Variants in CMKLR1 observed in about 807,000 individuals in gnomAD.
CMKLR1 encodes the protein chemerin-like receptor 1.
Under a neutral mutation model 8.2 loss-of-function variants are expected in CMKLR1, and 6 were observed. That is an observed-to-expected ratio of 0.73 (90% CI 0.40 to 1.44). CMKLR1 has a LOEUF of 1.44. CMKLR1 is among the 40% of genes most tolerant of loss of function. CMKLR1 has a pLI of 0.02. For synonymous variants in CMKLR1, 178 were observed against 181.2 expected (o/e 0.98, Z 0.14); for missense variants, 429 against 478.0 (o/e 0.90, Z 0.96).
intron 2 of CMKLR1, among the ~76,000 whole-genome samples, chr12:108,300,669 G>A (rs578159381): frequency 6.6e-6 from 1 of 152,186 alleles, no homozygotes; most frequent in East Asian, 1.9e-4. Flanking sequence ...TGCGACCCTG[G>A]GCACATTACT....
intron 2 of CMKLR1, among the ~76,000 whole-genome samples, chr12:108,296,647 G>A (rs1318174310): frequency 6.6e-6 from 1 of 152,140 alleles, no homozygotes; most frequent in African/African-American, 2.4e-5. Context: ...GCAACATGGT[G>A]AAACCCGGTC....
Position 108,292,024 on chromosome 12 carries a change from G to A in CMKLR1, c.939C>T (p.Pro313=), listed in dbSNP as rs1890986232. The change falls in exon 4 of 4, where the codon CCC becomes CCT. Residue 313 remains proline (P), a synonymous_variant. Transcript: ENST00000550402. ...ALAIANSCMN[P]ILYVFMGQDF... ...CCTGACCCATGAAAACATACAGAAT[G>A]GGGTTCATGCAGCTGTTGGCAATGG... 5 of 1,614,206 alleles carry A rather than the reference G, an allele frequency of 3.1e-6. No homozygotes were observed. Among genetic ancestry groups the A allele is most frequent in the Non-Finnish European group, 4.2e-6 (5 of 1,180,038 alleles).
intron 2 of CMKLR1, among the ~76,000 whole-genome samples, chr12:108,318,397 TAC>T (rs1466354848): frequency 6.6e-6 from 1 of 152,204 alleles, no homozygotes; most frequent in African/African-American, 2.4e-5. Context: ...ATGTCTTTAG[TAC>T]AAAGTCTGTC....
intron 2 of CMKLR1, among the ~76,000 whole-genome samples, chr12:108,314,725 CTCTT>C (rs141263035): frequency 0.039 from 5,885 of 152,174 alleles, 339 homozygotes; most frequent in African/African-American, 0.13. Context: ...TGGGACACTA[CTCTT>C]TCTTTTTTCC....
Position 108,291,513 on chromosome 12 carries a change from A to G in CMKLR1, c.*328T>C, listed in dbSNP as rs771387930. On this transcript the variant is annotated 3_prime_UTR_variant, in exon 4 of 4. Transcript: ENST00000550402. Reference sequence around the variant, plus strand: ...GAGTGTCATTTCTGGGGCACACACAATAGGCAGCTTAATCCCACCGCCCTA... The same window carrying G: ...GAGTGTCATTTCTGGGGCACACACAGTAGGCAGCTTAATCCCACCGCCCTA... The G allele has an allele frequency of 1.4e-5, 4 of 283,182 alleles. No individual in the cohort carries two copies. The highest frequency in any genetic ancestry group is 4.9e-5 in the South Asian group (1 of 20,586). 17.5% of individuals were successfully genotyped at this position (283,182 alleles called of 1,614,324 possible).
intron 2 of CMKLR1, among the ~76,000 whole-genome samples, chr12:108,295,765 C>T (rs999422003): frequency 6.6e-6 from 1 of 152,240 alleles, no homozygotes. Context: ...GAGAGGAGGT[C>T]GAGGAGGATC....
At chr12:108,300,493 GAA>G (rs1178893192) in intron 2 of CMKLR1, among the ~76,000 whole-genome samples, 8 of 152,090 alleles carry the variant, frequency 5.3e-5, no homozygotes, top group African/African-American at 1.4e-4. Context: ...ATGAATGAAT[GAA>G]TGCTTGTTTT....
At chr12:108,306,491 G>A (rs1237185045) in intron 2 of CMKLR1, among the ~76,000 whole-genome samples, 1 of 151,218 alleles carries the variant, frequency 6.6e-6, no homozygotes, top group Non-Finnish European at 1.5e-5. Flanking sequence ...CTATCAACAA[G>A]TTCTTCCCAT....
intron 2 of CMKLR1, among the ~76,000 whole-genome samples, chr12:108,319,201 A>G (rs1891800401): frequency 6.6e-6 from 1 of 152,140 alleles, no homozygotes; most frequent in South Asian, 2.1e-4. Flanking sequence ...ATGAGCAGAG[A>G]TCTTTGAAAC....
intron 2 of CMKLR1, among the ~76,000 whole-genome samples, chr12:108,319,501 CTCTT>C (rs1355150347): frequency 6.6e-6 from 1 of 152,242 alleles, no homozygotes; most frequent in Non-Finnish European, 1.5e-5. Context: ...CCTGTAAGAC[CTCTT>C]TGTTGCTTAA....
chr12:108,293,248 A>ATG (rs1204931277), intron 3 of CMKLR1, among the ~76,000 whole-genome samples: 1 of 152,182 alleles, frequency 6.6e-6, no homozygotes, highest in Non-Finnish European at 1.5e-5. Context: ...CAGAGAGCTT[A>ATG]TGTCATTTGC....
chr12:108,315,904 C>T (rs1891711612), intron 2 of CMKLR1, among the ~76,000 whole-genome samples: 1 of 152,106 alleles, frequency 6.6e-6, no homozygotes, highest in South Asian at 2.1e-4. Context: ...CCTCTCTGAG[C>T]CTTGATTTAT....
rs190075450 is a variant in CMKLR1 at position 108,292,318 on chromosome 12, G to C, written c.645C>G (p.Ser215Arg). Residue 215 changes from serine to arginine, a missense_variant, in exon 4 of 4, where the codon AGC becomes AGG. Coordinates refer to ENST00000550402, the MANE Select transcript of CMKLR1 (RefSeq NM_001142343.2). ...THSQMDPVGY[S>R]RHMVVTVTRF... ...GGGTGACAGTCACCACCATGTGCCG[G>C]CTATACCCCACAGGGTCCATTTGGG... 136 of 1,614,168 alleles carry C rather than the reference G, an allele frequency of 8.4e-5. No individual in the cohort carries two copies. In the African/African-American group the frequency reaches 1.5e-3, roughly 18 times the overall value.
chr12:108,294,128 C>T (rs1259186261), intron 2 of CMKLR1, among the ~76,000 whole-genome samples: 2 of 152,202 alleles, frequency 1.3e-5, no homozygotes, highest in Non-Finnish European at 2.9e-5. Flanking sequence ...TTTATTCTTT[C>T]TTGTTATTTA....
rs764151059 is a variant in CMKLR1, at chr12:108,292,429, C to G, written c.534G>C (p.Arg178=). Residue 178 remains arginine (R), a synonymous_variant, in exon 4 of 4, where the codon CGG becomes CGC. Coordinates refer to ENST00000550402, the MANE Select transcript of CMKLR1 (RefSeq NM_001142343.2). ...TTTTCCCATGCAGGTTGGCTGTGTC[C>G]CGGAAGACGAGAGATGGGGAACTCA... ...FFLSSPSLVF[R]DTANLHGKIS... The G allele has an allele frequency of 2.5e-6, 4 of 1,613,946 alleles. No individual in the cohort carries two copies. The African/African-American group carries it at 5.3e-5, about 22-fold the overall frequency.
chr12:108,312,864 AC>A (rs1363211654), intron 2 of CMKLR1, among the ~76,000 whole-genome samples: 1 of 151,394 alleles, frequency 6.6e-6, no homozygotes, highest in East Asian at 1.9e-4. Flanking sequence ...ACTCCAAATC[AC>A]CCCCCTCTGC....
chr12:108,295,721 C>T (rs1056315024), intron 2 of CMKLR1, among the ~76,000 whole-genome samples: 1 of 152,230 alleles, frequency 6.6e-6, no homozygotes, highest in Non-Finnish European at 1.5e-5. Flanking sequence ...ACCTTCCCCT[C>T]CCTCATTGAC....
chr12:108,304,117 T>C (rs4964243), intron 2 of CMKLR1, among the ~76,000 whole-genome samples: 59,113 of 152,112 alleles, frequency 0.39, 11,664 homozygotes, highest in East Asian at 0.48. Context: ...TAAGCAGGGA[T>C]TGCAGGGCTG....
chr12:108,295,235 G>A (rs1169009751), intron 2 of CMKLR1, among the ~76,000 whole-genome samples: 1 of 152,240 alleles, frequency 6.6e-6, no homozygotes, highest in Non-Finnish European at 1.5e-5. Context: ...AACCCCATAA[G>A]GGGCTACAGC....
Sources: allele counts gnomAD v4.1 joint callset (sites outside exome capture counted in the v4.1 genomes callset), GRCh38; gene constraint gnomAD v4.1.1; transcripts MANE v1.5; gene names NCBI Gene and HGNC (gene_info 2026-07-23, HGNC 2026-07-21).